Variants in PPARD observed in about 807,000 individuals in gnomAD.
PPARD encodes the protein peroxisome proliferator activated receptor delta.
Under a neutral mutation model 39.5 loss-of-function variants are expected in PPARD, and 6 were observed. The ratio of observed to expected loss-of-function variants is 0.15; its 90% CI spans 0.08 to 0.30. The LOEUF (loss-of-function observed/expected upper bound fraction) is 0.30, where lower values mean the gene tolerates loss of function less well. Among genes scored for constraint, PPARD ranks in the 10% least tolerant of loss-of-function variants. The probability of loss-of-function intolerance (pLI) is 1.00; values close to 1 mark genes in which losing one functional copy is unlikely to be tolerated. For synonymous variants in PPARD, 210 were observed against 231.3 expected, an observed-to-expected ratio of 0.91 and a Z score of 0.83; for missense variants, 397 against 596.8, an observed-to-expected ratio of 0.67 and a Z score of 3.49.
rs201473008 is a variant in PPARD, at chr6:35,426,252, C to T, written c.*173C>T. The T allele has an allele frequency of 3.0e-4, 242 of 793,698 alleles. No homozygotes were observed. Among genetic ancestry groups the T allele is most frequent in the Admixed American group, 6.4e-4 (22 of 34,264 alleles). 49.2% of individuals were successfully genotyped at this position (793,698 alleles called of 1,614,324 possible). A position where few individuals can be genotyped will look rare whatever the true frequency, so the allele number is the denominator to read the frequency against. Reference sequence around the variant, plus strand: ...CTCTGGCTCCCTGTGCCCTCTCTCCCGCTTCCTCCAGCCAGCTCTCTTCCT... The same window carrying T: ...CTCTGGCTCCCTGTGCCCTCTCTCCTGCTTCCTCCAGCCAGCTCTCTTCCT... On this transcript the variant is annotated 3_prime_UTR_variant, in exon 8 of 8. Transcript: ENST00000360694.
chr6:35,363,048 A>G lies in PPARD; in HGVS notation c.-102+15898A>G, dbSNP rs927102396. Among the ~76,000 whole-genome samples the G allele has an allele frequency of 1.3e-5, 2 of 152,198 alleles. No individual in the cohort carries two copies. Among genetic ancestry groups the G allele is most frequent in the Non-Finnish European group, 2.9e-5 (2 of 68,036 alleles). ...ATCCGAGCATAGAGGAAGATGTTCC[A>G]TGCATCAGTAACTCAGATTCCGTTC... On this transcript the variant is annotated intron_variant, in intron 2 of 7. Coordinates refer to ENST00000360694, the MANE Select transcript of PPARD (RefSeq NM_006238.5). This position sits in a 1 kb window ranked among gnomAD's most constrained non-coding sequence, Gnocchi z 4.5.
chr6:35,424,526 C>T lies in PPARD; in HGVS notation c.825C>T (p.Leu275=). Residue 275 remains leucine, a synonymous_variant, in exon 7 of 8, where the codon CTC becomes CTT. Transcript: ENST00000360694. The surrounding 1 kb of genome is among the most constrained non-coding windows in gnomAD (Gnocchi z 7.1). Reference sequence around the variant, plus strand: ...TCCCCAGCTTCAGCAGCCTCTTCCTCAACGACCAGGTTACCCTTCTCAAGT... The same window carrying T: ...TCCCCAGCTTCAGCAGCCTCTTCCTTAACGACCAGGTTACCCTTCTCAAGT... The part of the protein sequence containing the change: ...KSIPSFSSLF[L]NDQVTLLKYG... 1 of 1,614,218 alleles carries T rather than the reference C, an allele frequency of 6.2e-7. No individual in the cohort carries two copies. Among genetic ancestry groups the T allele is most frequent in the Non-Finnish European group, 8.5e-7 (1 of 1,180,030 alleles).
At chr6:35,417,461 T>A (rs1765847916) in intron 3 of PPARD, among the ~76,000 whole-genome samples, 1 of 152,064 alleles carries the variant, frequency 6.6e-6, no homozygotes. Context: ...ATTTTTTTTT[T>A]TTTACTTTTT....
chr6:35,368,593 T>A (rs1305364280), intron 2 of PPARD, among the ~76,000 whole-genome samples: 1 of 152,128 alleles, frequency 6.6e-6, no homozygotes, highest in Non-Finnish European at 1.5e-5. Flanking sequence ...ACCAATGACT[T>A]CCAGAGGCTG....
In PPARD at chr6:35,425,020, C is replaced by T; in HGVS notation, c.1078+241C>T. 2.2e-6 allele frequency: 3 copies of T among 1,354,574 alleles called. No homozygotes were observed. Among genetic ancestry groups the T allele is most frequent in the Non-Finnish European group, 2.9e-6 (3 of 1,052,412 alleles). 83.9% of individuals were successfully genotyped at this position (1,354,574 alleles called of 1,614,324 possible). A position where few individuals can be genotyped will look rare whatever the true frequency, so the allele number is the denominator to read the frequency against. ...AGACGTGGTGGCTCACACCTGTAATCCCAGCACTTTGGCAGGCCGAGGCGG... is the reference window on the plus strand; with the variant it reads ...AGACGTGGTGGCTCACACCTGTAATTCCAGCACTTTGGCAGGCCGAGGCGG... On this transcript the variant is annotated intron_variant, in intron 7 of 7. Coordinates refer to ENST00000360694, the MANE Select transcript of PPARD (RefSeq NM_006238.5). This position sits in a 1 kb window ranked among gnomAD's most constrained non-coding sequence, Gnocchi z 4.5.
chr6:35,368,115 G>A (rs890029492), intron 2 of PPARD, among the ~76,000 whole-genome samples: 3 of 152,206 alleles, frequency 2.0e-5, no homozygotes, highest in African/African-American at 7.2e-5. Context: ...GGAGAGGGCT[G>A]ATTTTTCTTG....
chr6:35,356,866 T>TA (rs1761644987), intron 2 of PPARD, among the ~76,000 whole-genome samples: 2 of 152,364 alleles, frequency 1.3e-5, no homozygotes, highest in Admixed American at 1.3e-4. Flanking sequence ...ATATTGTTCT[T>TA]ACATTAGAAG....
At position 35,393,513 on chromosome 6, in the gene PPARD, C is replaced by T. The variant is rs191742428; in HGVS notation, c.-101-17474C>T. Reference sequence around the variant, plus strand: ...CGGTTCTGGCATTTCCCTATCTTATCCTGCATACCCCTCCTCCTGGCTCTG... The same window carrying T: ...CGGTTCTGGCATTTCCCTATCTTATTCTGCATACCCCTCCTCCTGGCTCTG... On this transcript the variant is annotated intron_variant, in intron 2 of 7. Coordinates refer to ENST00000360694, the MANE Select transcript of PPARD (RefSeq NM_006238.5). 7.9e-5 allele frequency among the ~76,000 whole-genome samples: 12 copies of T among 152,270 alleles called. 1 individual carries two copies. The highest frequency in any genetic ancestry group is 6.5e-4 in the Admixed American group (10 of 15,290).
intron 2 of PPARD, among the ~76,000 whole-genome samples, chr6:35,374,320 G>T (rs1476403948): frequency 6.7e-6 from 1 of 148,252 alleles, no homozygotes; most frequent in Non-Finnish European, 1.5e-5. Context: ...GGGCGGGGGG[G>T]TTTAGTGGGC....
chr6:35,390,150 A>G (rs1475496699), intron 2 of PPARD, among the ~76,000 whole-genome samples: 1 of 152,022 alleles, frequency 6.6e-6, no homozygotes, highest in Non-Finnish European at 1.5e-5. Context: ...TGCCTTTTCT[A>G]GTTTTCTGGC....
intron 2 of PPARD, among the ~76,000 whole-genome samples, chr6:35,391,665 G>A (rs1345144509): frequency 3.3e-5 from 5 of 152,318 alleles, no homozygotes; most frequent in Middle Eastern, 3.4e-3. Flanking sequence ...TCTCTGTCAC[G>A]TGTAGCTGCA....
At position 35,424,198 on chromosome 6, in the gene PPARD, A is replaced by T; in HGVS notation, c.627+50A>T. On this transcript the variant is annotated intron_variant, in intron 6 of 7. Transcript: ENST00000360694. This position sits in a 1 kb window ranked among gnomAD's most constrained non-coding sequence, Gnocchi z 7.1. ...GGCAGCATCCTGGGCTCTGGGTCCCACTGCCGCCTGCCTGACTCCGGGAGA... is the reference window on the plus strand; with the variant it reads ...GGCAGCATCCTGGGCTCTGGGTCCCTCTGCCGCCTGCCTGACTCCGGGAGA... 6.2e-7 allele frequency: 1 copy of T among 1,604,372 alleles called. No individual in the cohort carries two copies.
At position 35,347,057 on chromosome 6, in the gene PPARD, T is replaced by C; in HGVS notation, c.-185-10T>C. On this transcript the variant is annotated splice_polypyrimidine_tract_variant and intron_variant, in intron 1 of 7. Coordinates refer to ENST00000360694, the MANE Select transcript of PPARD (RefSeq NM_006238.5). Reference sequence around the variant, plus strand: ...CAGCTAAAGCTGTTGGGGTTTTTTCTATCCTGCAGTGTTGTACAGTGTTTT... The same window carrying C: ...CAGCTAAAGCTGTTGGGGTTTTTTCCATCCTGCAGTGTTGTACAGTGTTTT... 6.6e-7 allele frequency: 1 copy of C among 1,512,354 alleles called. No homozygotes were observed. Among genetic ancestry groups the C allele is most frequent in the South Asian group, 1.2e-5 (1 of 81,714 alleles). The allele number at this position is 1,512,354 out of a possible 1,614,324, so 93.7% of individuals were successfully genotyped here.
chr6:35,380,492 T>G lies in PPARD; in HGVS notation c.-101-30495T>G, dbSNP rs866730765. 2.9e-3 allele frequency among the ~76,000 whole-genome samples: 363 copies of G among 125,496 alleles called. 6 individuals carry two copies. The highest frequency in any genetic ancestry group is 0.012 in the African/African-American group (288 of 24,238). The allele number at this position is 125,496 out of a possible 152,430, so 82.3% of individuals were successfully genotyped here. ...TTTTTGTTTGTTTTTTTTTTTTTTT[T>G]TTTTTTTTTTTTTTGAGACAAGGTC... is the stretch of plus-strand genomic sequence containing the variant. On this transcript the variant is annotated intron_variant, in intron 2 of 7. Coordinates refer to ENST00000360694, the MANE Select transcript of PPARD (RefSeq NM_006238.5).
At chr6:35,391,813 A>T (rs575591064) in intron 2 of PPARD, among the ~76,000 whole-genome samples, 2 of 152,308 alleles carry the variant, frequency 1.3e-5, no homozygotes, top group East Asian at 3.9e-4. Flanking sequence ...CGTATAAGGA[A>T]ATAGACACTC....
intron 2 of PPARD, among the ~76,000 whole-genome samples, chr6:35,377,649 A>G (rs1762886564): frequency 6.6e-6 from 1 of 152,170 alleles, no homozygotes; most frequent in African/African-American, 2.4e-5. Context: ...AGCGTCCGGC[A>G]TGCAGTAACC....
intron 2 of PPARD, among the ~76,000 whole-genome samples, chr6:35,393,036 C>T (rs1764106747): frequency 1.3e-5 from 2 of 152,202 alleles, no homozygotes; most frequent in Non-Finnish European, 2.9e-5. Flanking sequence ...GTTCCTGTTA[C>T]CTCTCTTTAC....
chr6:35,390,656 T>G (rs917551337), intron 2 of PPARD, among the ~76,000 whole-genome samples: 1 of 151,896 alleles, frequency 6.6e-6, no homozygotes, highest in African/African-American at 2.4e-5. Context: ...TGTGATAAAA[T>G]TTCAGAGGTG....
Position 35,425,868 on chromosome 6 carries a change from C to G in PPARD, c.1115C>G (p.Ala372Gly), listed in dbSNP as rs1766538395. ...PGLMNVPRVE[A>G]IQDTILRALE... ...CTCATGAACGTTCCACGGGTGGAGGCTATCCAGGACACCATCCTGCGTGCC... is the reference window on the plus strand; with the variant it reads ...CTCATGAACGTTCCACGGGTGGAGGGTATCCAGGACACCATCCTGCGTGCC... Residue 372 changes from alanine (A) to glycine (G), a missense_variant, in exon 8 of 8, where the codon GCT (alanine) becomes GGT (glycine). Ala to Gly is a moderately conservative substitution (Grantham distance 60, BLOSUM62 0). Coordinates refer to ENST00000360694, the MANE Select transcript of PPARD (RefSeq NM_006238.5). The surrounding 1 kb of genome is among the most constrained non-coding windows in gnomAD (Gnocchi z 4.5). The G allele has an allele frequency of 1.9e-6, 3 of 1,614,006 alleles. No homozygotes were observed. The highest frequency in any genetic ancestry group is 1.7e-6 in the Non-Finnish European group (2 of 1,180,026).
Sources: allele counts gnomAD v4.1 joint callset (sites outside exome capture counted in the v4.1 genomes callset), GRCh38; gene constraint gnomAD v4.1.1; non-coding constraint Gnocchi (gnomAD v3.1); transcripts MANE v1.5; gene names NCBI Gene and HGNC (gene_info 2026-07-23, HGNC 2026-07-21).